MYRIP: variants seen among roughly 807,000 people sequenced by gnomAD.
MYRIP encodes the protein myosin VIIA and Rab interacting protein, also known as rab effector MyRIP.
MYRIP carries 49 observed loss-of-function variants against 98.0 expected under a neutral mutation model. That is an observed-to-expected ratio of 0.50 (90% CI 0.40 to 0.63). The LOEUF is 0.63. MYRIP is among the 30% of genes least tolerant of loss of function. The pLI is 0.00. For synonymous variants in MYRIP, 404 were observed against 409.5 expected (o/e 0.99, Z 0.16); for missense variants, 1,004 against 1,058.2 (o/e 0.95, Z 0.71).
chr3:40,072,116 C>T (rs1188526893), intron 3 of MYRIP, among the ~76,000 whole-genome samples: 1 of 152,182 alleles, frequency 6.6e-6, no homozygotes, highest in Non-Finnish European at 1.5e-5. Context: ...AGAAAGTAGG[C>T]TGTAGGGCTT....
chr3:40,154,476 T>C (rs1342203358), intron 4 of MYRIP, among the ~76,000 whole-genome samples: 1 of 152,222 alleles, frequency 6.6e-6, no homozygotes, highest in Admixed American at 6.5e-5. Context: ...AGTACATTTA[T>C]AAATAAAATA....
At chr3:40,100,466 ATTTT>A (rs1214102580) in intron 3 of MYRIP, among the ~76,000 whole-genome samples, 1 of 152,242 alleles carries the variant, frequency 6.6e-6, no homozygotes, top group African/African-American at 2.4e-5. Context: ...AAGGAAGAGC[ATTTT>A]AAACCATTGG....
Position 40,169,896 on chromosome 3 carries a change from A to G in MYRIP, c.730-54A>G, listed in dbSNP as rs1950575101. 1.9e-6 allele frequency: 3 copies of G among 1,610,198 alleles called. No individual in the cohort carries two copies. In the South Asian group the frequency reaches 3.3e-5, roughly 18 times the overall value. On this transcript the variant is annotated intron_variant, in intron 7 of 16. Transcript: ENST00000302541. ...AAAGATGGTCCCAGTTACTCCACAT[A>G]GCATCAGGAGGCCTCTCCAATAACT...
chr3:40,080,792 T>TTC, intron 3 of MYRIP, among the ~76,000 whole-genome samples: 1 of 11,282 alleles, frequency 8.9e-5, no homozygotes, highest in African/African-American at 1.5e-4. Context: ...TCCTAACTTC[T>TTC]TTTTTTTTTT....
At chr3:40,257,777 T>C (rs774988045) in intron 16 of MYRIP, among the ~76,000 whole-genome samples, 59 of 152,118 alleles carry the variant, frequency 3.9e-4, no homozygotes, top group Non-Finnish European at 5.0e-4. Context: ...AGCCCAGAAA[T>C]AGATACAACC....
intron 11 of MYRIP, among the ~76,000 whole-genome samples, chr3:40,214,296 C>T (rs34176825): frequency 0.087 from 13,201 of 151,470 alleles, 892 homozygotes; most frequent in African/African-American, 0.2. Context: ...GCCAGGGCCT[C>T]CATCACTGTC....
intron 1 of MYRIP, among the ~76,000 whole-genome samples, chr3:39,840,872 TTC>T (rs1278518035): frequency 6.6e-6 from 1 of 152,192 alleles, no homozygotes. Flanking sequence ...AACCTGACCT[TTC>T]TCTCTGGCTG....
intron 2 of MYRIP, among the ~76,000 whole-genome samples, chr3:39,956,243 T>C (rs1240738131): frequency 2.0e-5 from 3 of 152,116 alleles, no homozygotes; most frequent in Non-Finnish European, 4.4e-5. Context: ...CAGAACCACA[T>C]TGCACTTATT....
At chr3:40,136,792 A>G (rs1020396541) in intron 3 of MYRIP, among the ~76,000 whole-genome samples, 7 of 152,260 alleles carry the variant, frequency 4.6e-5, no homozygotes, top group Non-Finnish European at 2.9e-5. Flanking sequence ...TACTGGGTAC[A>G]TAACGAAATG....
At chr3:39,868,067 A>G (rs1329733919) in intron 1 of MYRIP, among the ~76,000 whole-genome samples, 2 of 152,180 alleles carry the variant, frequency 1.3e-5, no homozygotes, top group East Asian at 3.9e-4. Flanking sequence ...GTTCAGGGGA[A>G]CACTCCAAGA....
chr3:39,886,363 T>C (rs1385738417), intron 1 of MYRIP, among the ~76,000 whole-genome samples: 7 of 150,498 alleles, frequency 4.7e-5, no homozygotes, highest in African/African-American at 1.7e-4. Context: ...GTAAATGGAC[T>C]AAATGCTCCA....
At chr3:39,815,692 T>TA (rs1381498242) in intron 1 of MYRIP, among the ~76,000 whole-genome samples, 1 of 152,162 alleles carries the variant, frequency 6.6e-6, no homozygotes, top group Non-Finnish European at 1.5e-5. Flanking sequence ...TGTTTATATA[T>TA]TTTTTCCTTG....
chr3:39,860,949 T>C (rs1162640054), intron 1 of MYRIP, among the ~76,000 whole-genome samples: 1 of 152,240 alleles, frequency 6.6e-6, no homozygotes, highest in Non-Finnish European at 1.5e-5. Flanking sequence ...TGCACACAGA[T>C]GCTAGCACCC....
chr3:40,179,514 TTAAG>T (rs1425347572), intron 8 of MYRIP, among the ~76,000 whole-genome samples: 1 of 152,206 alleles, frequency 6.6e-6, no homozygotes, highest in Non-Finnish European at 1.5e-5. Flanking sequence ...AAATGAAATA[TTAAG>T]TATTGTTTCC....
intron 2 of MYRIP, among the ~76,000 whole-genome samples, chr3:39,992,972 A>C (rs1246997621): frequency 6.6e-6 from 1 of 152,152 alleles, no homozygotes; most frequent in African/African-American, 2.4e-5. Flanking sequence ...TCTGTGGTCC[A>C]TCAGGATATT....
At chr3:39,962,631 G>A (rs1945349608) in intron 2 of MYRIP, among the ~76,000 whole-genome samples, 1 of 152,096 alleles carries the variant, frequency 6.6e-6, no homozygotes, top group South Asian at 2.1e-4. Context: ...AAGGGCTGTA[G>A]TGCAGTTACT....
rs368464079 is a variant in MYRIP at position 40,167,187 on chromosome 3, G to A, written c.677G>A (p.Arg226Gln). ...AAGCAAAATGAGGCCAGTTACCTGC[G>A]GGACCACAAGGAGGAGCTAACTGAG... ...LDKQNEASYL[R>Q]DHKEELTEEL... The change falls in exon 7 of 17, where the codon CGG becomes CAG. Residue 226 changes from arginine to glutamine, a missense_variant. This residue lies in a region of MYRIP where 880 missense variants were observed against 907.7 expected (regional missense o/e 0.97). Coordinates refer to ENST00000302541, the MANE Select transcript of MYRIP (RefSeq NM_015460.4). 16 of 1,614,016 alleles carry A rather than the reference G, an allele frequency of 9.9e-6. No individual in the cohort carries two copies. Among genetic ancestry groups the A allele is most frequent in the African/African-American group, 4.0e-5 (3 of 74,896 alleles).
chr3:40,005,341 C>G (rs1227748629), intron 2 of MYRIP, among the ~76,000 whole-genome samples: 1 of 152,220 alleles, frequency 6.6e-6, no homozygotes, highest in African/African-American at 2.4e-5. Context: ...AAAGTCAGTT[C>G]TAAGTCAGTA....
intron 1 of MYRIP, among the ~76,000 whole-genome samples, chr3:39,890,371 A>G (rs1429531357): frequency 6.6e-6 from 1 of 151,780 alleles, no homozygotes; most frequent in Non-Finnish European, 1.5e-5. Flanking sequence ...ATATTTCCCC[A>G]TTTCTTCATT....
Sources: gnomAD v4.1 joint callset for allele counts (sites outside exome capture counted in the v4.1 genomes callset) on GRCh38, gnomAD v4.1.1 for gene constraint, gnomAD v4.1.1 regional missense constraint, MANE v1.5 for transcripts, NCBI Gene and HGNC (gene_info 2026-07-23, HGNC 2026-07-21) for gene names.